PHF14: variants seen among roughly 807,000 people sequenced by gnomAD.
PHF14 encodes PHD finger protein 14.
A neutral mutation model predicts 117.9 loss-of-function variants in PHF14; 55 were observed. The ratio of observed to expected loss-of-function variants is 0.47; its 90% CI spans 0.38 to 0.58. The LOEUF is 0.58. Ranked by LOEUF, PHF14 falls within the 20% of genes least tolerant of loss-of-function variation. The pLI is 0.00. For synonymous variants in PHF14, 409 were observed against 368.6 expected (o/e 1.11, Z -1.26); for missense variants, 978 against 1,122.2 (o/e 0.87, Z 1.84).
At position 10,991,759 on chromosome 7, in the gene PHF14, A is replaced by ATTT. The variant is rs71023881; in HGVS notation, c.1045+928_1045+930dup. ...TTTTTTTTAATTTTTTAATTTTTTA[A>ATTT]TTTTTTTTTTTTTTTTTTGGTAGAG... On this transcript the variant is annotated intron_variant, in intron 4 of 17. Coordinates refer to ENST00000634607, the MANE Select transcript of PHF14 (RefSeq NM_001007157.2). 7.0e-4 allele frequency among the ~76,000 whole-genome samples: 78 copies of ATTT among 111,016 alleles called. 4 individuals carry two copies. The highest frequency in any genetic ancestry group is 1.3e-3 in the African/African-American group (35 of 27,790). 72.8% of individuals were successfully genotyped at this position (111,016 alleles called of 152,430 possible).
chr7:11,137,166 A>C (rs1319553198), intron 17 of PHF14, among the ~76,000 whole-genome samples: 3 of 152,206 alleles, frequency 2.0e-5, no homozygotes, highest in Non-Finnish European at 4.4e-5. Context: ...AGCATTACTG[A>C]CATTGAGTTC....
intron 6 of PHF14, among the ~76,000 whole-genome samples, chr7:11,024,921 C>T (rs10267293): frequency 0.11 from 16,738 of 152,150 alleles, 1,111 homozygotes; most frequent in African/African-American, 0.19. Flanking sequence ...GCTATAGCTG[C>T]CATACATAGT....
At chr7:10,982,273 A>T in intron 2 of PHF14, 99 bp from the exon 3 acceptor site, 1 of 703,486 alleles carries the variant, frequency 1.4e-6, no homozygotes, top group Non-Finnish European at 2.3e-6. Flanking sequence ...TTTGCAAGTT[A>T]TTCACAAATT....
chr7:11,142,390 A>G (rs1788425366), intron 17 of PHF14, among the ~76,000 whole-genome samples: 2 of 152,024 alleles, frequency 1.3e-5, no homozygotes, highest in Non-Finnish European at 2.9e-5. Context: ...TAGAATAAAT[A>G]TTTATGTTTT....
At chr7:11,149,880 A>G (rs945150061) in intron 17 of PHF14, among the ~76,000 whole-genome samples, 3 of 151,996 alleles carry the variant, frequency 2.0e-5, no homozygotes, top group African/African-American at 7.2e-5. Flanking sequence ...TTTATACTTC[A>G]TATCTTTCTC....
chr7:11,054,625 G>T (rs559733299), intron 14 of PHF14, among the ~76,000 whole-genome samples: 4 of 152,174 alleles, frequency 2.6e-5, no homozygotes, highest in Admixed American at 6.6e-5. Flanking sequence ...GAAAAATGAG[G>T]TGTTCTAATT....
At chr7:11,009,243 G>T (rs972700462) in intron 4 of PHF14, among the ~76,000 whole-genome samples, 1 of 152,156 alleles carries the variant, frequency 6.6e-6, no homozygotes. Context: ...TTTGTTCAAA[G>T]TTACACAGCT....
At chr7:11,035,355 A>G (rs927436052) in intron 7 of PHF14, among the ~76,000 whole-genome samples, 7 of 152,176 alleles carry the variant, frequency 4.6e-5, no homozygotes, top group Admixed American at 2.0e-4. Context: ...TTGAAGGGCT[A>G]CTATACAAGT....
intron 4 of PHF14, 62 bp downstream of exon 4, chr7:10,990,909 A>C (rs1782426059): frequency 5.9e-6 from 7 of 1,176,656 alleles, no homozygotes; most frequent in Non-Finnish European, 8.4e-6. Flanking sequence ...TTACATTTGT[A>C]CTAAGGTGGT....
intron 17 of PHF14, among the ~76,000 whole-genome samples, chr7:11,138,727 A>T (rs112726768): frequency 7.2e-5 from 11 of 152,216 alleles, no homozygotes; most frequent in African/African-American, 2.7e-4. Flanking sequence ...ATAAGTGCTC[A>T]AAGTCTTAAC....
chr7:11,103,917 T>G, intron 16 of PHF14: 2 of 982,450 alleles, frequency 2.0e-6, no homozygotes, highest in Non-Finnish European at 2.4e-6. Flanking sequence ...ACTAGTAGAC[T>G]TTTGTTTAAA....
Position 11,103,170 on chromosome 7 carries a change from T to C in PHF14, c.2655-8180T>C, listed in dbSNP as rs974901528. Reference sequence around the variant, plus strand: ...CATATGACATTCTATTTTTGACTTATTAGTCCTAGTGTGAAAGCATTAATA... The same window carrying C: ...CATATGACATTCTATTTTTGACTTACTAGTCCTAGTGTGAAAGCATTAATA... On this transcript the variant is annotated intron_variant, in intron 16 of 17. Transcript: ENST00000634607. The C allele has an allele frequency of 4.1e-6, 4 of 978,098 alleles. No individual in the cohort carries two copies. The African/African-American group carries it at 7.0e-5, about 17-fold the overall frequency. 60.6% of individuals were successfully genotyped at this position (978,098 alleles called of 1,614,324 possible).
chr7:11,148,003 T>C (rs1002838872), intron 17 of PHF14, among the ~76,000 whole-genome samples: 1 of 152,182 alleles, frequency 6.6e-6, no homozygotes, highest in African/African-American at 2.4e-5. Context: ...TCTCATCATT[T>C]TTGACAACCA....
intron 16 of PHF14, chr7:11,102,365 T>G (rs1787122616): frequency 3.9e-6 from 4 of 1,024,184 alleles, no homozygotes; most frequent in Admixed American, 2.1e-5. Context: ...TCTATCTCTT[T>G]GGACCAGATC....
intron 6 of PHF14, 55 bp from the exon 7 acceptor site, chr7:11,028,626 G>C: frequency 6.4e-7 from 1 of 1,550,540 alleles, no homozygotes; most frequent in Non-Finnish European, 8.9e-7. Flanking sequence ...TGAGAATGCA[G>C]TCTTTAGTCT....
chr7:11,063,395 T>C (rs973614214), intron 16 of PHF14: 12 of 977,770 alleles, frequency 1.2e-5, no homozygotes, highest in Non-Finnish European at 1.5e-5. Flanking sequence ...CGTAACATAA[T>C]GGAGTAAATG....
chr7:10,991,237 G>C (rs1299843628), intron 4 of PHF14, among the ~76,000 whole-genome samples: 1 of 152,028 alleles, frequency 6.6e-6, no homozygotes, highest in African/African-American at 2.4e-5. Context: ...CTGGAGTGCA[G>C]TGGTGCTATC....
chr7:11,054,961 A>T (rs990463895), intron 14 of PHF14, among the ~76,000 whole-genome samples: 2 of 152,032 alleles, frequency 1.3e-5, no homozygotes, highest in African/African-American at 4.8e-5. Context: ...CCTTCATGAC[A>T]TACGTAGGGC....
At chr7:11,122,348 T>TAC (rs1311000231) in intron 17 of PHF14, among the ~76,000 whole-genome samples, 7 of 61,616 alleles carry the variant, frequency 1.1e-4, no homozygotes, top group East Asian at 9.7e-4. Context: ...TATATATATA[T>TAC]ATATACACAC....
Sources: allele counts gnomAD v4.1 joint callset (sites outside exome capture counted in the v4.1 genomes callset), GRCh38; gene constraint gnomAD v4.1.1; transcripts MANE v1.5; gene names NCBI Gene and HGNC (gene_info 2026-07-23, HGNC 2026-07-21).